Variants in SH3BGR observed in about 807,000 individuals in gnomAD.
SH3BGR encodes the protein SH3 domain-binding glutamic acid-rich protein.
In SH3BGR, 29 loss-of-function variants were observed where a neutral mutation model predicts 24.5. That is an observed-to-expected ratio of 1.18 (90% CI 0.88 to 1.61). The LOEUF (loss-of-function observed/expected upper bound fraction) is 1.61, where lower values mean the gene tolerates loss of function less well. Among genes scored for constraint, SH3BGR ranks in the 40% most tolerant of loss-of-function variants. The pLI is 0.00. For missense variants in SH3BGR, 162 were observed against 205.8 expected (o/e 0.79, Z 1.30); for synonymous variants, 55 against 65.7 (o/e 0.84, Z 0.79).
chr21:39,490,607 T>C (rs2078282644), intron 3 of SH3BGR, among the ~76,000 whole-genome samples: 1 of 152,258 alleles, frequency 6.6e-6, no homozygotes, highest in Admixed American at 6.5e-5. Context: ...ATCTGTATTA[T>C]ATAAAGCTAC....
At chr21:39,501,876 T>C (rs1201868683) in intron 4 of SH3BGR, among the ~76,000 whole-genome samples, 1 of 152,226 alleles carries the variant, frequency 6.6e-6, no homozygotes, top group Non-Finnish European at 1.5e-5. Context: ...TGGTTTGTTG[T>C]TAAAAGCTGA....
chr21:39,469,991 A>C (rs1290609360), intron 2 of SH3BGR, among the ~76,000 whole-genome samples: 2 of 152,104 alleles, frequency 1.3e-5, no homozygotes, highest in Non-Finnish European at 2.9e-5. Flanking sequence ...ATAAATGTTA[A>C]GATATTTATA....
chr21:39,489,016 AAC>A (rs1317983155), intron 3 of SH3BGR, among the ~76,000 whole-genome samples: 1 of 152,224 alleles, frequency 6.6e-6, no homozygotes, highest in Non-Finnish European at 1.5e-5. Context: ...AGAGAGAATG[AAC>A]AGTGTTCAGG....
chr21:39,457,653 C>T (rs189785229), intron 1 of SH3BGR, among the ~76,000 whole-genome samples: 427 of 151,722 alleles, frequency 2.8e-3, no homozygotes, highest in Non-Finnish European at 3.8e-3. Context: ...AACACCCAGC[C>T]GGGCACTGTG....
intron 3 of SH3BGR, among the ~76,000 whole-genome samples, chr21:39,485,063 G>T (rs1161820045): frequency 6.6e-6 from 1 of 152,180 alleles, no homozygotes; most frequent in African/African-American, 2.4e-5. Flanking sequence ...GCTGTTCTAG[G>T]CCAAGGACCA....
intron 3 of SH3BGR, chr21:39,491,588 T>C: frequency 4.0e-6 from 1 of 247,386 alleles, no homozygotes; most frequent in Non-Finnish European, 8.2e-6. Context: ...CCCGCAGGTC[T>C]AAGTAGGGGT....
intron 1 of SH3BGR, among the ~76,000 whole-genome samples, chr21:39,461,286 C>T (rs567892774): frequency 4.3e-4 from 66 of 151,962 alleles, no homozygotes; most frequent in African/African-American, 1.4e-3. Flanking sequence ...ACAAGGCATG[C>T]GCCACCACGC....
intron 6 of SH3BGR, among the ~76,000 whole-genome samples, chr21:39,514,845 T>A (rs1289995645): frequency 6.6e-6 from 1 of 152,230 alleles, no homozygotes; most frequent in African/African-American, 2.4e-5. Context: ...TGGGAAATTA[T>A]AATTGGAGAT....
At chr21:39,514,982 A>G (rs937003360) in intron 6 of SH3BGR, 106 bp from the exon 7 acceptor site, 1 of 360,788 alleles carries the variant, frequency 2.8e-6, no homozygotes, top group Non-Finnish European at 5.6e-6. Flanking sequence ...GGTTTATAGA[A>G]TAAAAGGCAA....
chr21:39,494,683 TG>T (rs1455414610), intron 3 of SH3BGR, among the ~76,000 whole-genome samples: 7 of 152,162 alleles, frequency 4.6e-5, no homozygotes, highest in Admixed American at 3.3e-4. Context: ...TGCCTACCTA[TG>T]TTTTTTTTTG....
intron 5 of SH3BGR, among the ~76,000 whole-genome samples, chr21:39,510,930 T>TATATATATATATATATATATAC (rs1465096113): frequency 1.4e-5 from 2 of 142,296 alleles, no homozygotes; most frequent in Non-Finnish European, 3.1e-5. Flanking sequence ...TATATATATA[T>TATATATATATATATATATATAC]ATATATATAT....
At position 39,515,216 on chromosome 21, in the gene SH3BGR, A is replaced by T; in HGVS notation, c.*163A>T. The T allele has an allele frequency of 2.3e-6, 1 of 441,642 alleles. No individual in the cohort carries two copies. Among genetic ancestry groups the T allele is most frequent in the South Asian group, 1.7e-5 (1 of 57,158 alleles). The allele number at this position is 441,642 out of a possible 1,614,324, so 27.4% of individuals were successfully genotyped here. Reference sequence around the variant, plus strand: ...TGCTGCCTGACCTGGTTAGATGTACATGGAGGTATCTCCCGAATCATACAA... The same window carrying T: ...TGCTGCCTGACCTGGTTAGATGTACTTGGAGGTATCTCCCGAATCATACAA... On this transcript the variant is annotated 3_prime_UTR_variant, in exon 7 of 7. Coordinates refer to ENST00000333634, the MANE Select transcript of SH3BGR (RefSeq NM_007341.3).
At chr21:39,456,769 C>T (rs1185240024) in intron 1 of SH3BGR, among the ~76,000 whole-genome samples, 1 of 152,184 alleles carries the variant, frequency 6.6e-6, no homozygotes, top group East Asian at 1.9e-4. Context: ...CATCATTCCA[C>T]ACCTTTCTGT....
intron 3 of SH3BGR, among the ~76,000 whole-genome samples, chr21:39,494,238 T>A (rs60331609): frequency 0.023 from 3,487 of 150,490 alleles, 145 homozygotes; most frequent in African/African-American, 0.081. Context: ...TTCCTCTTCT[T>A]CTTCTTCTTC....
At chr21:39,492,443 G>GGTGGGTGTGTGTGTGT (rs1183610917) in intron 3 of SH3BGR, among the ~76,000 whole-genome samples, 1 of 136,554 alleles carries the variant, frequency 7.3e-6, no homozygotes, top group African/African-American at 2.8e-5. Flanking sequence ...AGTTTCCCTT[G>GGTGGGTGTGTGTGTGT]GTGTGTGTGT....
chr21:39,458,426 CCT>C (rs1302835304), intron 1 of SH3BGR, among the ~76,000 whole-genome samples: 11 of 152,042 alleles, frequency 7.2e-5, no homozygotes, highest in Non-Finnish European at 1.5e-4. Context: ...GCAACCTCTG[CCT>C]CCCGGATTCA....
chr21:39,511,490 G>GGT lies in SH3BGR; in HGVS notation c.436-180_436-179dup. Among the ~76,000 whole-genome samples, 1 of 149,022 alleles carries GGT rather than the reference G, an allele frequency of 6.7e-6. No individual in the cohort carries two copies. The highest frequency in any genetic ancestry group is 6.7e-5 in the Admixed American group (1 of 14,902). On this transcript the variant is annotated intron_variant, in intron 5 of 6. Transcript: ENST00000333634. The surrounding 1 kb of genome is among the most constrained non-coding windows in gnomAD (Gnocchi z 4.2). ...GTGTGTTTGGGCGGTATGTGTGTGGGGTGTGTGTGTGGCATGTGTTTGTGT... is the reference window on the plus strand; with the variant it reads ...GTGTGTTTGGGCGGTATGTGTGTGGGGTGTGTGTGTGTGGCATGTGTTTGTGT...
Position 39,511,824 on chromosome 21 carries a change from C to A in SH3BGR, c.*34+15C>A. The A allele has an allele frequency of 6.3e-7, 1 of 1,591,268 alleles. No homozygotes were observed. Among genetic ancestry groups the A allele is most frequent in the Non-Finnish European group, 8.5e-7 (1 of 1,171,984 alleles). On this transcript the variant is annotated intron_variant, in intron 6 of 6. Transcript: ENST00000333634. The surrounding 1 kb of genome is among the most constrained non-coding windows in gnomAD (Gnocchi z 4.2). ...CACTTCTCCAGGTAGCTACAGGATT[C>A]TGGGGTGGAAAAGCTGCTAGTTACC...
At chr21:39,476,709 T>G (rs1172926275) in intron 3 of SH3BGR, among the ~76,000 whole-genome samples, 1 of 152,150 alleles carries the variant, frequency 6.6e-6, no homozygotes, top group East Asian at 1.9e-4. Flanking sequence ...AGTAGACATC[T>G]CCCGTATTCC....
Sources: gnomAD v4.1 joint callset for allele counts (sites outside exome capture counted in the v4.1 genomes callset) on GRCh38, gnomAD v4.1.1 for gene constraint, Gnocchi (gnomAD v3.1) non-coding constraint, MANE v1.5 for transcripts, NCBI Gene and HGNC (gene_info 2026-07-23, HGNC 2026-07-21) for gene names.